Variants in ANLN observed in about 807,000 individuals in gnomAD.
ANLN encodes anillin.
ANLN carries 59 observed loss-of-function variants against 135.1 expected under a neutral mutation model. That is an observed-to-expected ratio of 0.44 (90% CI 0.35 to 0.54). The LOEUF (loss-of-function observed/expected upper bound fraction) is 0.54. ANLN is among the 20% of genes least tolerant of loss of function. The pLI, the probability that ANLN is intolerant of heterozygous loss-of-function variation, is 0.00. For missense variants in ANLN, 1,182 were observed against 1,340.0 expected (o/e 0.88, Z 1.84); for synonymous variants, 406 against 456.4 (o/e 0.89, Z 1.41).
chr7:36,413,978 A>G lies in ANLN; in HGVS notation c.1396-1780A>G, dbSNP rs376003352. 2.0e-5 allele frequency among the ~76,000 whole-genome samples: 3 copies of G among 151,152 alleles called. No homozygotes were observed. The South Asian group carries it at 6.3e-4, about 32-fold the overall frequency. ...CACTGCACTCCAGTCTGGGCAATGG[A>G]GTGAGACTCCGTCTCAAAAAAAAAA... On this transcript the variant is annotated intron_variant, in intron 7 of 23. Coordinates refer to ENST00000265748, the MANE Select transcript of ANLN (RefSeq NM_018685.5).
chr7:36,443,875 G>A lies in ANLN; in HGVS notation c.3078+13G>A, dbSNP rs760109545. Reference sequence around the variant, plus strand: ...TGAGAAACGCAAGGTAATTTATATAGTACTGTTTAGTGGTGAAAGCCCTGA... The same window carrying A: ...TGAGAAACGCAAGGTAATTTATATAATACTGTTTAGTGGTGAAAGCCCTGA... On this transcript the variant is annotated intron_variant, in intron 22 of 23. Transcript: ENST00000265748. 1.3e-6 allele frequency: 2 copies of A among 1,552,828 alleles called. No homozygotes were observed. Among genetic ancestry groups the A allele is most frequent in the Non-Finnish European group, 1.8e-6 (2 of 1,133,786 alleles).
chr7:36,424,165 A>G (rs113673563), intron 15 of ANLN, among the ~76,000 whole-genome samples: 1 of 152,150 alleles, frequency 6.6e-6, no homozygotes, highest in African/African-American at 2.4e-5. Context: ...TAGGTATTAC[A>G]TATTTTGAAA....
chr7:36,428,329 G>T, intron 20 of ANLN: 4 of 1,282,098 alleles, frequency 3.1e-6, no homozygotes, highest in Non-Finnish European at 4.1e-6. Flanking sequence ...GTAAGAGAGC[G>T]AGAGCTACTG....
intron 20 of ANLN, among the ~76,000 whole-genome samples, chr7:36,436,339 T>A (rs1788550077): frequency 6.6e-6 from 1 of 152,250 alleles, no homozygotes; most frequent in Admixed American, 6.5e-5. Context: ...TATATGTATA[T>A]ACAGCATTTC....
intron 20 of ANLN, 87 bp downstream of exon 20, chr7:36,427,115 G>A: frequency 1.3e-6 from 1 of 796,828 alleles, no homozygotes; most frequent in Non-Finnish European, 2.0e-6. Flanking sequence ...ATGCTTTTAG[G>A]TATTTGAAAT....
At chr7:36,452,387 A>G in intron 23 of ANLN, 90 bp from the exon 24 acceptor site, 1 of 1,537,776 alleles carries the variant, frequency 6.5e-7, no homozygotes, top group Non-Finnish European at 8.9e-7. Flanking sequence ...TTACTGGTTT[A>G]TTTAGTCATT....
At chr7:36,413,147 C>T (rs1787495436) in intron 7 of ANLN, among the ~76,000 whole-genome samples, 1 of 151,974 alleles carries the variant, frequency 6.6e-6, no homozygotes, top group Admixed American at 6.6e-5. Context: ...TTTGCTGATC[C>T]TTCCCATCAG....
chr7:36,409,916 C>A (rs1283627540), intron 5 of ANLN, among the ~76,000 whole-genome samples: 1 of 152,110 alleles, frequency 6.6e-6, no homozygotes, highest in African/African-American at 2.4e-5. Context: ...AAGAGATCCA[C>A]CCGCCTCGGC....
chr7:36,402,265 C>T (rs36125353), intron 3 of ANLN, among the ~76,000 whole-genome samples: 2 of 93,642 alleles, frequency 2.1e-5, no homozygotes, highest in South Asian at 2.7e-4. Context: ...GCACACGCCA[C>T]CACACCCAGC....
intron 10 of ANLN, 148 bp from the exon 11 acceptor site, chr7:36,420,021 T>C: frequency 2.7e-6 from 2 of 740,648 alleles, no homozygotes; most frequent in Non-Finnish European, 4.2e-6. Flanking sequence ...TTTTATGTGT[T>C]AGGAACTTAG....
intron 21 of ANLN, among the ~76,000 whole-genome samples, chr7:36,441,029 A>G (rs1788749007): frequency 6.6e-6 from 1 of 152,090 alleles, no homozygotes; most frequent in Non-Finnish European, 1.5e-5. Flanking sequence ...TATTAACAGT[A>G]TTTTTTCCTT....
intron 20 of ANLN, among the ~76,000 whole-genome samples, chr7:36,429,422 T>C (rs746666812): frequency 1.3e-4 from 20 of 152,078 alleles, no homozygotes; most frequent in Admixed American, 3.9e-4. Flanking sequence ...GGTTTCACCA[T>C]GTTACCCAGG....
In ANLN at chr7:36,439,290, A is replaced by G; in HGVS notation, c.2970A>G (p.Leu990=). The G allele has an allele frequency of 1.3e-6, 2 of 1,500,954 alleles. No homozygotes were observed. The highest frequency in any genetic ancestry group is 1.8e-6 in the Non-Finnish European group (2 of 1,087,414). The allele number at this position is 1,500,954 out of a possible 1,614,324, so 93.0% of individuals were successfully genotyped here. The part of the protein sequence containing the change: ...VNSSVEERGF[L]TIFEDVSGFG... The stretch of plus-strand genomic sequence containing the variant: ...CCAGTGTTGAAGAAAGAGGTTTTCT[A>G]GTAAGTAACATCACTTAGTCTTTAA... Residue 990 remains leucine, a splice_region_variant and synonymous_variant, in exon 21 of 24, where the codon CTA becomes CTG. Transcript: ENST00000265748.
chr7:36,412,478 G>A (rs1049130367), intron 7 of ANLN, among the ~76,000 whole-genome samples: 10 of 151,506 alleles, frequency 6.6e-5, no homozygotes, highest in Non-Finnish European at 1.2e-4. Context: ...ACAGGCATGC[G>A]CCACCACACT....
chr7:36,451,736 T>C (rs1473955649), intron 23 of ANLN, among the ~76,000 whole-genome samples: 1 of 152,142 alleles, frequency 6.6e-6, no homozygotes, highest in Non-Finnish European at 1.5e-5. Flanking sequence ...GGGGAGAACT[T>C]AAAAAGTTGT....
intron 13 of ANLN, among the ~76,000 whole-genome samples, 179 bp downstream of exon 13, chr7:36,422,171 T>A (rs1296474387): frequency 6.6e-6 from 1 of 152,178 alleles, no homozygotes; most frequent in East Asian, 1.9e-4. Context: ...AAATTGTAGT[T>A]TGCATGAAAG....
In ANLN at chr7:36,420,638, G is replaced by A. The variant is rs537605178; in HGVS notation, c.2057G>A (p.Arg686His). The A allele has an allele frequency of 2.2e-5, 35 of 1,612,892 alleles. No homozygotes were observed. In the Admixed American group the frequency reaches 4.2e-4, roughly 19 times the overall value. ...YRSQRFKETE[R>H]PSIKQVIVRK... ...TCTCAAAGATTCAAAGAAACAGAAC[G>A]TCCATCAATAAAGCAGGTGATTGTT... The change falls in exon 12 of 24, where the codon CGT becomes CAT. Residue 686 changes from arginine to histidine, a missense_variant. This residue lies in a region of ANLN where 1,022 missense variants were observed against 1,134.0 expected (regional missense o/e 0.90). Coordinates refer to ENST00000265748, the MANE Select transcript of ANLN (RefSeq NM_018685.5).
chr7:36,453,778 A>T lies in ANLN; in HGVS notation c.*1178A>T, dbSNP rs887272707. Reference sequence around the variant, plus strand: ...GCTCTTACTCAAATAAATACCTGTAAATGTCTAAAGGAATCAGTTGTTTAG... The same window carrying T: ...GCTCTTACTCAAATAAATACCTGTATATGTCTAAAGGAATCAGTTGTTTAG... On this transcript the variant is annotated 3_prime_UTR_variant, in exon 24 of 24. Transcript: ENST00000265748. 2 of 152,608 alleles carry T rather than the reference A, an allele frequency of 1.3e-5. No individual in the cohort carries two copies. The highest frequency in any genetic ancestry group is 2.9e-5 in the Non-Finnish European group (2 of 68,040). 9.5% of individuals were successfully genotyped at this position (152,608 alleles called of 1,614,324 possible).
At chr7:36,425,975 A>T (rs752979624) in intron 18 of ANLN, 40 bp from the exon 19 acceptor site, 1 of 1,447,752 alleles carries the variant, frequency 6.9e-7, no homozygotes, top group African/African-American at 1.4e-5. Context: ...TAAGGGAAAT[A>T]ACTTATGTTT....
Sources: allele counts gnomAD v4.1 joint callset (sites outside exome capture counted in the v4.1 genomes callset), GRCh38; gene constraint gnomAD v4.1.1; regional missense constraint gnomAD v4.1.1; transcripts MANE v1.5; gene names NCBI Gene and HGNC (gene_info 2026-07-23, HGNC 2026-07-21).